The following CPQ variants were observed in gnomAD, a reference collection of about 807,000 sequenced individuals.
CPQ encodes the protein carboxypeptidase Q, also known as Ser-Met dipeptidase.
A neutral mutation model predicts 45.7 loss-of-function variants in CPQ; 37 were observed. The ratio of observed to expected loss-of-function variants is 0.81; its 90% confidence interval spans 0.62 to 1.07. CPQ has a LOEUF of 1.07. Among genes scored for constraint, CPQ ranks in the 50% least tolerant of loss-of-function variants. The probability of loss-of-function intolerance (pLI) is 0.00; values close to 1 mark genes in which losing one functional copy is unlikely to be tolerated. For synonymous variants in CPQ, 186 were observed against 205.8 expected (o/e 0.90, Z 0.82); for missense variants, 537 against 572.9 (o/e 0.94, Z 0.64).
intron 5 of CPQ, among the ~76,000 whole-genome samples, chr8:96,969,948 C>T (rs573827573): frequency 6.6e-6 from 1 of 152,270 alleles, no homozygotes; most frequent in African/African-American, 2.4e-5. Flanking sequence ...CCAGGAGTCA[C>T]CAAGCCTCCC....
At chr8:96,753,662 C>A (rs1428065671) in intron 1 of CPQ, among the ~76,000 whole-genome samples, 4 of 151,800 alleles carry the variant, frequency 2.6e-5, no homozygotes, top group African/African-American at 7.2e-5. Flanking sequence ...TAGTGATTTT[C>A]TTGAGTATTA....
rs185971871 is a variant in CPQ at position 96,854,841 on chromosome 8, A to G, written c.641+19661A>G. On this transcript the variant is annotated intron_variant, in intron 3 of 7. Coordinates refer to ENST00000220763, the MANE Select transcript of CPQ (RefSeq NM_016134.4). ...CCTAAAGCTAGCAGACTGGAGACCA[A>G]GGAAGAGTTGACGTTTTACTTCAAA... Among the ~76,000 whole-genome samples the G allele has an allele frequency of 4.2e-3, 639 of 152,276 alleles. 3 individuals are homozygous for G. The highest frequency in any genetic ancestry group is 0.024 in the South Asian group (114 of 4,820).
At chr8:96,657,171 C>G (rs111696618) in intron 1 of CPQ, among the ~76,000 whole-genome samples, 99 of 152,150 alleles carry the variant, frequency 6.5e-4, no homozygotes, top group Admixed American at 1.9e-3. Context: ...ATGGTGAAAC[C>G]CCGTCTCTAC....
At chr8:96,787,525 C>T (rs78783453) in intron 2 of CPQ, among the ~76,000 whole-genome samples, 41 of 47,574 alleles carry the variant, frequency 8.6e-4, no homozygotes, top group Admixed American at 2.1e-3. Context: ...CTTATAATGT[C>T]TTTTTTTTTT....
At chr8:96,861,482 A>G (rs1166076113) in intron 3 of CPQ, among the ~76,000 whole-genome samples, 1 of 152,084 alleles carries the variant, frequency 6.6e-6, no homozygotes, top group African/African-American at 2.4e-5. Flanking sequence ...CCCAATTAGT[A>G]CATTCTGACC....
intron 2 of CPQ, among the ~76,000 whole-genome samples, chr8:96,808,550 T>C (rs747979579): frequency 6.6e-6 from 1 of 152,282 alleles, no homozygotes; most frequent in Non-Finnish European, 1.5e-5. Flanking sequence ...TAGAGTTGAA[T>C]TTGGGAACAC....
At chr8:97,035,279 T>C (rs139456913) in intron 6 of CPQ, among the ~76,000 whole-genome samples, 64 of 152,332 alleles carry the variant, frequency 4.2e-4, no homozygotes, top group Middle Eastern at 3.4e-3. Flanking sequence ...GAATATTCTG[T>C]TGATGGACAT....
At chr8:96,715,140 T>C (rs1043705923) in intron 1 of CPQ, among the ~76,000 whole-genome samples, 11 of 152,292 alleles carry the variant, frequency 7.2e-5, no homozygotes, top group African/African-American at 2.6e-4. Context: ...GGGAGGTGTC[T>C]GTGGGTAAAA....
chr8:96,832,473 G>A (rs1811471885), intron 2 of CPQ, among the ~76,000 whole-genome samples: 1 of 152,176 alleles, frequency 6.6e-6, no homozygotes, highest in African/African-American at 2.4e-5. Flanking sequence ...CAGGCACTGG[G>A]TTAGTCCCTT....
At chr8:96,979,527 A>G (rs530443324) in intron 5 of CPQ, among the ~76,000 whole-genome samples, 1 of 152,332 alleles carries the variant, frequency 6.6e-6, no homozygotes, top group African/African-American at 2.4e-5. Context: ...TCTCTGCATC[A>G]TGCTAATGCT....
intron 7 of CPQ, among the ~76,000 whole-genome samples, chr8:97,085,596 C>CATT (rs1811027823): frequency 6.6e-6 from 1 of 152,082 alleles, no homozygotes; most frequent in Non-Finnish European, 1.5e-5. Flanking sequence ...GAATATTGAC[C>CATT]ATTTTTCCTA....
At chr8:96,847,301 A>G (rs770908844) in intron 3 of CPQ, among the ~76,000 whole-genome samples, 13 of 152,220 alleles carry the variant, frequency 8.5e-5, no homozygotes, top group Non-Finnish European at 1.8e-4. Flanking sequence ...CAATCATTGT[A>G]CTGGAAGTTG....
At chr8:97,033,129 G>T (rs575260227) in intron 6 of CPQ, among the ~76,000 whole-genome samples, 42 of 150,964 alleles carry the variant, frequency 2.8e-4, no homozygotes, top group Admixed American at 4.6e-4. Flanking sequence ...ATTGGTGTGG[G>T]TGATACCAAA....
intron 5 of CPQ, 32 bp from the exon 6 acceptor site, chr8:97,029,371 A>G (rs751740670): frequency 6.5e-7 from 1 of 1,546,110 alleles, no homozygotes; most frequent in South Asian, 1.2e-5. Context: ...AATCAACTAA[A>G]GTATCACTTT....
intron 4 of CPQ, among the ~76,000 whole-genome samples, chr8:96,951,822 C>T (rs1334760345): frequency 1.3e-5 from 2 of 151,604 alleles, no homozygotes; most frequent in Non-Finnish European, 2.9e-5. Context: ...TGCTTTTCAG[C>T]TTCCCAAGTG....
intron 4 of CPQ, among the ~76,000 whole-genome samples, chr8:96,933,139 A>T (rs541071709): frequency 9.3e-4 from 141 of 152,016 alleles, no homozygotes; most frequent in Non-Finnish European, 1.7e-3. Context: ...GGAATTGGTG[A>T]TTTGAAAGGC....
intron 1 of CPQ, among the ~76,000 whole-genome samples, chr8:96,682,315 C>G (rs1282273170): frequency 6.6e-6 from 1 of 152,178 alleles, no homozygotes. Flanking sequence ...CTCACTTACT[C>G]ACTCGTGATA....
chr8:96,868,550 TC>T (rs1454327029), intron 3 of CPQ, among the ~76,000 whole-genome samples: 1 of 152,082 alleles, frequency 6.6e-6, no homozygotes, highest in Non-Finnish European at 1.5e-5. Context: ...TTAGCCTTGT[TC>T]ATACTTTTCT....
intron 1 of CPQ, among the ~76,000 whole-genome samples, chr8:96,653,342 A>G (rs1408777041): frequency 3.3e-5 from 5 of 152,188 alleles, no homozygotes; most frequent in Non-Finnish European, 5.9e-5. Context: ...ATTTTTTAAT[A>G]TATCTGTTGG....
Sources: allele counts gnomAD v4.1 joint callset (sites outside exome capture counted in the v4.1 genomes callset), GRCh38; gene constraint gnomAD v4.1.1; transcripts MANE v1.5; gene names NCBI Gene and HGNC (gene_info 2026-07-23, HGNC 2026-07-21).